The following SEMA5A variants were observed in gnomAD, a reference collection of about 807,000 sequenced individuals.
The protein encoded by SEMA5A is semaphorin 5A.
A neutral mutation model predicts 135.5 loss-of-function variants in SEMA5A; 55 were observed. The observed-to-expected ratio is 0.41, with a 90% CI of 0.33 to 0.51. SEMA5A has a LOEUF of 0.51. Ranked by LOEUF, SEMA5A falls within the 20% of genes least tolerant of loss-of-function variation. The pLI, the probability that SEMA5A is intolerant of heterozygous loss-of-function variation, is 0.37. For missense variants in SEMA5A, 1,290 were observed against 1,419.9 expected (o/e 0.91, Z 1.47); for synonymous variants, 580 against 546.5 (o/e 1.06, Z -0.85).
At chr5:9,544,587 C>T (rs1299524957) in intron 1 of SEMA5A, among the ~76,000 whole-genome samples, 1 of 152,160 alleles carries the variant, frequency 6.6e-6, no homozygotes, top group Admixed American at 6.5e-5. Context: ...CTCCCGCCCA[C>T]TCGCCCAGGA....
At chr5:9,501,538 G>C (rs1735599123) in intron 1 of SEMA5A, among the ~76,000 whole-genome samples, 1 of 152,156 alleles carries the variant, frequency 6.6e-6, no homozygotes, top group South Asian at 2.1e-4. Flanking sequence ...GTCAGCAATG[G>C]AGGAGTTCAG....
intron 18 of SEMA5A, among the ~76,000 whole-genome samples, chr5:9,057,558 T>C (rs1430068930): frequency 6.6e-6 from 1 of 152,248 alleles, no homozygotes; most frequent in Non-Finnish European, 1.5e-5. Context: ...CATTTATTGT[T>C]AAACAGAGAG....
chr5:9,398,806 C>A (rs1212614187), intron 2 of SEMA5A, among the ~76,000 whole-genome samples: 2 of 152,336 alleles, frequency 1.3e-5, no homozygotes, highest in East Asian at 3.9e-4. Context: ...GCAAAGTGAA[C>A]CTTCTAGCAC....
intron 1 of SEMA5A, among the ~76,000 whole-genome samples, chr5:9,477,880 C>T (rs1287322907): frequency 6.6e-6 from 1 of 152,202 alleles, no homozygotes. Flanking sequence ...CAGAAATTTG[C>T]ATAAGCAACA....
intron 1 of SEMA5A, among the ~76,000 whole-genome samples, chr5:9,543,171 G>C (rs140784003): frequency 1.3e-5 from 2 of 152,178 alleles, no homozygotes; most frequent in African/African-American, 4.8e-5. Context: ...ACAGAGAAAG[G>C]CTTGTTGGTT....
chr5:9,328,727 G>T (rs1187705471), intron 4 of SEMA5A, among the ~76,000 whole-genome samples: 1 of 152,138 alleles, frequency 6.6e-6, no homozygotes, highest in Non-Finnish European at 1.5e-5. Flanking sequence ...AGTGAGCCGA[G>T]ATCATACCAT....
chr5:9,444,268 T>A (rs115342162), intron 1 of SEMA5A, among the ~76,000 whole-genome samples: 1,623 of 152,208 alleles, frequency 0.011, 28 homozygotes, highest in African/African-American at 0.037. Context: ...TGGTGACTTG[T>A]AAGATCTTGG....
chr5:9,158,845 A>T (rs925364392), intron 11 of SEMA5A, among the ~76,000 whole-genome samples: 1 of 152,242 alleles, frequency 6.6e-6, no homozygotes, highest in Non-Finnish European at 1.5e-5. Flanking sequence ...TAATTACATG[A>T]AAACATCATT....
chr5:9,264,162 G>A (rs1470462708), intron 5 of SEMA5A, among the ~76,000 whole-genome samples: 1 of 152,132 alleles, frequency 6.6e-6, no homozygotes, highest in Non-Finnish European at 1.5e-5. Flanking sequence ...CCTTCAAATA[G>A]ATCACATTAG....
chr5:9,046,252 C>T (rs1289303032), intron 21 of SEMA5A, among the ~76,000 whole-genome samples: 2 of 152,212 alleles, frequency 1.3e-5, no homozygotes, highest in Non-Finnish European at 2.9e-5. Flanking sequence ...GTCAACCCTG[C>T]ACCCAGTGAG....
intron 16 of SEMA5A, among the ~76,000 whole-genome samples, chr5:9,082,499 C>T (rs1738445590): frequency 2.0e-5 from 3 of 152,164 alleles, no homozygotes; most frequent in Admixed American, 1.3e-4. Context: ...ATGCTCTCTG[C>T]TCACTCCCAA....
chr5:9,230,566 G>A lies in SEMA5A; in HGVS notation c.334-3599C>T, dbSNP rs528794924. Among the ~76,000 whole-genome samples, 14 of 152,290 alleles carry A rather than the reference G, an allele frequency of 9.2e-5. No individual in the cohort carries two copies. The South Asian group carries it at 1.9e-3, about 20-fold the overall frequency. ...TGAAGACACTGGCTCTATTATTGGC[G>A]ATGAGCCACATCCCCATGTGTCACT... On this transcript the variant is annotated intron_variant, in intron 6 of 22. Coordinates refer to ENST00000382496, the MANE Select transcript of SEMA5A (RefSeq NM_003966.3).
At chr5:9,437,343 T>C (rs1758069647) in intron 2 of SEMA5A, among the ~76,000 whole-genome samples, 1 of 151,138 alleles carries the variant, frequency 6.6e-6, no homozygotes, top group African/African-American at 2.4e-5. Context: ...TTTTTTTCTT[T>C]TCTTCTTTTC....
chr5:9,283,921 G>A (rs1001596355), intron 5 of SEMA5A, among the ~76,000 whole-genome samples: 2 of 152,130 alleles, frequency 1.3e-5, no homozygotes, highest in Non-Finnish European at 2.9e-5. Flanking sequence ...CACAGAACCC[G>A]AGGTACATGG....
At chr5:9,341,967 C>G (rs759564842) in intron 3 of SEMA5A, among the ~76,000 whole-genome samples, 19 of 151,368 alleles carry the variant, frequency 1.3e-4, no homozygotes, top group Non-Finnish European at 1.8e-4. Flanking sequence ...TCCAGTCTTA[C>G]AACTTCAAGA....
rs1266175128 is a variant in SEMA5A, at chr5:9,515,997, G to C, written c.-175+29587C>G. ...ATATCTGAATATAGTTACGACATTT[G>C]TGAAATCAGTGCAAAAACAATCTCT... On this transcript the variant is annotated intron_variant, in intron 1 of 22. Coordinates refer to ENST00000382496, the MANE Select transcript of SEMA5A (RefSeq NM_003966.3). 2.6e-5 allele frequency among the ~76,000 whole-genome samples: 4 copies of C among 152,308 alleles called. No individual in the cohort carries two copies. In the East Asian group the frequency reaches 7.7e-4, roughly 29 times the overall value.
intron 5 of SEMA5A, among the ~76,000 whole-genome samples, chr5:9,257,775 T>C (rs563709566): frequency 2.0e-5 from 3 of 152,178 alleles, no homozygotes; most frequent in Non-Finnish European, 1.5e-5. Context: ...GGCTTGCAGA[T>C]GTTTTATTAC....
At chr5:9,254,625 AT>A (rs141846908) in intron 5 of SEMA5A, among the ~76,000 whole-genome samples, 1,654 of 150,716 alleles carry the variant, frequency 0.011, 21 homozygotes, top group African/African-American at 0.032. Context: ...TGAAAATAGG[AT>A]TTTTTTTTTA....
chr5:9,163,714 C>G (rs562413700), intron 11 of SEMA5A, among the ~76,000 whole-genome samples: 2 of 151,956 alleles, frequency 1.3e-5, no homozygotes, highest in South Asian at 4.2e-4. Flanking sequence ...AAAATGCAAT[C>G]GTTAGTGTAG....
Sources: allele counts gnomAD v4.1 joint callset (sites outside exome capture counted in the v4.1 genomes callset), GRCh38; gene constraint gnomAD v4.1.1; transcripts MANE v1.5; gene names NCBI Gene and HGNC (gene_info 2026-07-23, HGNC 2026-07-21).